Variants in DCAF4L2 observed in about 807,000 individuals in gnomAD.
The protein encoded by DCAF4L2 is DDB1- and CUL4-associated factor 4-like protein 2.
A neutral mutation model predicts 15.5 loss-of-function variants in DCAF4L2; 13 were observed. The observed-to-expected ratio is 0.84, with a 90% CI of 0.54 to 1.33. DCAF4L2 has a LOEUF of 1.33. DCAF4L2 is among the 40% of genes most tolerant of loss of function. The pLI is 0.00. For synonymous variants in DCAF4L2, 251 were observed against 207.0 expected (o/e 1.21, Z -1.83); for missense variants, 519 against 509.6 (o/e 1.02, Z -0.18).
At position 87,871,838 on chromosome 8, in the gene DCAF4L2, A is replaced by G. The variant is rs1056943906; in HGVS notation, c.*946T>C. The G allele has an allele frequency of 6.5e-6, 1 of 153,146 alleles. No homozygotes were observed. The highest frequency in any genetic ancestry group is 1.5e-5 in the Non-Finnish European group (1 of 68,046). The allele number at this position is 153,146 out of a possible 1,614,324, so 9.5% of individuals were successfully genotyped here. A position where few individuals can be genotyped will look rare whatever the true frequency, so the allele number is the denominator to read the frequency against. On this transcript the variant is annotated 3_prime_UTR_variant, in exon 1 of 1. Coordinates refer to ENST00000319675, the MANE Select transcript of DCAF4L2 (RefSeq NM_152418.4). ...ATGCTTTATCCAATTGTATGACTAC[A>G]GCACAAATTATTTATCAATTTTAGC...
rs1809437245 is a variant in DCAF4L2, at chr8:87,873,368, T to C, written c.604A>G (p.Thr202Ala). 2 of 1,614,152 alleles carry C rather than the reference T, an allele frequency of 1.2e-6. No individual in the cohort carries two copies. Among genetic ancestry groups the C allele is most frequent in the East Asian group, 2.2e-5 (1 of 44,872 alleles). Residue 202 changes from threonine (T) to alanine (A), a missense_variant, in exon 1 of 1, where the codon ACA becomes GCA. Transcript: ENST00000319675. ...LSIHAYHSFS[T>A]GLSQQVLLTN... ...AACAGGACCTGCTGAGACAAGCCTG[T>C]ACTGAAAGAGTGATACGCGTGGATG...
rs1304084888 is a variant in DCAF4L2, at chr8:87,872,103, C to A, written c.*681G>T. 1 of 166,314 alleles carries A rather than the reference C, an allele frequency of 6.0e-6. No homozygotes were observed. Among genetic ancestry groups the A allele is most frequent in the African/African-American group, 2.4e-5 (1 of 41,426 alleles). 10.3% of individuals were successfully genotyped at this position (166,314 alleles called of 1,614,324 possible). ...GACATTCAAGTCACAATAATAGAAA[C>A]CGGAGCTGCTGTACCTTACATTCTG... On this transcript the variant is annotated 3_prime_UTR_variant, in exon 1 of 1. Coordinates refer to ENST00000319675, the MANE Select transcript of DCAF4L2 (RefSeq NM_152418.4).
At position 87,873,653 on chromosome 8, in the gene DCAF4L2, G is replaced by A. The variant is rs2117892073; in HGVS notation, c.319C>T (p.Leu107=). ...TATACCCGGAGCTCAGGGGTCGTCA[G>A]GCCTCGCATGGTGATGATGCCGTAC... ...SKYGIITMRG[L]TTPELRVYPH... Residue 107 remains leucine (L), a synonymous_variant, in exon 1 of 1, where the codon CTG becomes TTG. Coordinates refer to ENST00000319675, the MANE Select transcript of DCAF4L2 (RefSeq NM_152418.4). 6.2e-7 allele frequency: 1 copy of A among 1,614,188 alleles called. No homozygotes were observed.
chr8:87,873,335 C>T lies in DCAF4L2; in HGVS notation c.637G>A (p.Val213Met), dbSNP rs748067917. ...GLSQQVLLTNVVTGHQQSFGT... is the reference protein window; with the variant it reads ...GLSQQVLLTNMVTGHQQSFGT... ...AATGACTGCTGGTGTCCCGTCACCACGTTGGTCAACAGGACCTGCTGAGAC... is the reference window on the plus strand; with the variant it reads ...AATGACTGCTGGTGTCCCGTCACCATGTTGGTCAACAGGACCTGCTGAGAC... The change falls in exon 1 of 1, where the codon GTG (valine) becomes ATG (methionine). Residue 213 changes from valine to methionine, a missense_variant. Val to Met is a conservative substitution (Grantham distance 21). Coordinates refer to ENST00000319675, the MANE Select transcript of DCAF4L2 (RefSeq NM_152418.4). The T allele has an allele frequency of 6.2e-7, 1 of 1,614,184 alleles. No individual in the cohort carries two copies. The highest frequency in any genetic ancestry group is 1.6e-4 in the Middle Eastern group (1 of 6,062).
Position 87,872,204 on chromosome 8 carries a change from T to C in DCAF4L2, c.*580A>G, listed in dbSNP as rs990974298. 6.2e-6 allele frequency: 1 copy of C among 161,718 alleles called. No homozygotes were observed. Among genetic ancestry groups the C allele is most frequent in the Non-Finnish European group, 1.5e-5 (1 of 68,146 alleles). The allele number at this position is 161,718 out of a possible 1,614,324, so 10.0% of individuals were successfully genotyped here. A position where few individuals can be genotyped will look rare whatever the true frequency, so the allele number is the denominator to read the frequency against. ...TTAAAAAGATCCACCTTTCCTCCCA[T>C]TGCCTATGGAAAATAATAAAAGGAG... On this transcript the variant is annotated 3_prime_UTR_variant, in exon 1 of 1. Coordinates refer to ENST00000319675, the MANE Select transcript of DCAF4L2 (RefSeq NM_152418.4).
chr8:87,873,051 C>CTG lies in DCAF4L2; in HGVS notation c.919_920dup (p.Gln307HisfsTer7). The stretch of plus-strand genomic sequence containing the variant: ...CGGAGTTATTCACATGACCTTCGTA[C>CTG]TGTGTTACACATTTAGTGGCCCTCA... On this transcript the variant is annotated frameshift_variant, in exon 1 of 1. Coordinates refer to ENST00000319675, the MANE Select transcript of DCAF4L2 (RefSeq NM_152418.4). LOFTEE classifies it high-confidence loss of function. 1 of 1,614,170 alleles carries CTG rather than the reference C, an allele frequency of 6.2e-7. No individual in the cohort carries two copies. The highest frequency in any genetic ancestry group is 8.5e-7 in the Non-Finnish European group (1 of 1,180,038).
At position 87,873,432 on chromosome 8, in the gene DCAF4L2, G is replaced by C. The variant is rs1251632235; in HGVS notation, c.540C>G (p.Phe180Leu). The C allele has an allele frequency of 1.2e-6, 2 of 1,614,218 alleles. No homozygotes were observed. Among genetic ancestry groups the C allele is most frequent in the East Asian group, 2.2e-5 (1 of 44,872 alleles). Residue 180 changes from phenylalanine (F) to leucine (L), a missense_variant, in exon 1 of 1, where the codon TTC (phenylalanine) becomes TTG (leucine). Transcript: ENST00000319675. ...GMRRPGMLCS[F>L]QIPDAWSCAW... is the part of the protein sequence containing the mutation. ...CACAGGACCAGGCATCAGGGATCTG[G>C]AAACTGCAAAGCATGCCAGGCCGAC...
Position 87,873,422 on chromosome 8 carries a change from C to T in DCAF4L2, c.550G>A (p.Asp184Asn), listed in dbSNP as rs758461261. The change falls in exon 1 of 1, where the codon GAT (aspartate) becomes AAT (asparagine). Residue 184 changes from aspartate to asparagine, a missense_variant. Physicochemically the swap from Asp to Asn is conservative, Grantham distance 23. Transcript: ENST00000319675. ...AGGGACCAGGCACAGGACCAGGCAT[C>T]AGGGATCTGGAAACTGCAAAGCATG... is the stretch of plus-strand genomic sequence containing the variant. ...PGMLCSFQIP[D>N]AWSCAWSLSI... 1.5e-5 allele frequency: 25 copies of T among 1,614,084 alleles called. No homozygotes were observed. Among genetic ancestry groups the T allele is most frequent in the Non-Finnish European group, 1.8e-5 (21 of 1,180,054 alleles).
Position 87,871,402 on chromosome 8 carries a change from T to G in DCAF4L2, c.*1382A>C, listed in dbSNP as rs2117883734. The G allele has an allele frequency of 6.5e-6, 1 of 154,768 alleles. No homozygotes were observed. Among genetic ancestry groups the G allele is most frequent in the East Asian group, 1.9e-4 (1 of 5,182 alleles). 9.6% of individuals were successfully genotyped at this position (154,768 alleles called of 1,614,324 possible). Reference sequence around the variant, plus strand: ...AATCATTTCTGATTTTTCTGATTATTTCTACTTCTCATAGTCAGGTCCAAG... The same window carrying G: ...AATCATTTCTGATTTTTCTGATTATGTCTACTTCTCATAGTCAGGTCCAAG... On this transcript the variant is annotated 3_prime_UTR_variant, in exon 1 of 1. Coordinates refer to ENST00000319675, the MANE Select transcript of DCAF4L2 (RefSeq NM_152418.4).
rs1299040934 is a variant in DCAF4L2 at position 87,872,219 on chromosome 8, A to G, written c.*565T>C. On this transcript the variant is annotated 3_prime_UTR_variant, in exon 1 of 1. Coordinates refer to ENST00000319675, the MANE Select transcript of DCAF4L2 (RefSeq NM_152418.4). The stretch of plus-strand genomic sequence containing the variant: ...TTTCCTCCCATTGCCTATGGAAAAT[A>G]ATAAAAGGAGAATCTCAGAGATCTG... The G allele has an allele frequency of 6.2e-6, 1 of 160,296 alleles. No homozygotes were observed. Among genetic ancestry groups the G allele is most frequent in the Non-Finnish European group, 1.5e-5 (1 of 68,146 alleles). 9.9% of individuals were successfully genotyped at this position (160,296 alleles called of 1,614,324 possible).
At position 87,873,489 on chromosome 8, in the gene DCAF4L2, C is replaced by T. The variant is rs1369010251; in HGVS notation, c.483G>A (p.Ala161=). 9 of 1,614,066 alleles carry T rather than the reference C, an allele frequency of 5.6e-6. No homozygotes were observed. The highest frequency in any genetic ancestry group is 4.4e-5 in the South Asian group (4 of 91,090). Residue 161 remains alanine, a synonymous_variant, in exon 1 of 1, where the codon GCG becomes GCA. Transcript: ENST00000319675. ...DTPSCAVLLP[A]SLFIGSFPGM... ...CTGGGAAGCTACCTATGAACAGCGA[C>T]GCTGGGAGCAGCACGGCACAGCTTG...
Position 87,873,677 on chromosome 8 carries a change from A to C in DCAF4L2, c.295T>G (p.Tyr99Asp). ...VNQVEAGGSKYGIITMRGLTT... is the reference protein window; with the variant it reads ...VNQVEAGGSKDGIITMRGLTT... Reference sequence around the variant, plus strand: ...AGGCCTCGCATGGTGATGATGCCGTACTTGGAGCCTCCAGCTTCGACTTGG... The same window carrying C: ...AGGCCTCGCATGGTGATGATGCCGTCCTTGGAGCCTCCAGCTTCGACTTGG... The change falls in exon 1 of 1, where the codon TAC (tyrosine) becomes GAC (aspartate). Residue 99 changes from tyrosine (Y) to aspartate (D), a missense_variant. By Grantham distance (160) the Tyr-to-Asp change is radical. Coordinates refer to ENST00000319675, the MANE Select transcript of DCAF4L2 (RefSeq NM_152418.4). 6.2e-7 allele frequency: 1 copy of C among 1,614,200 alleles called. No homozygotes were observed. The highest frequency in any genetic ancestry group is 8.5e-7 in the Non-Finnish European group (1 of 1,180,034).
chr8:87,870,757 CTTATT>C lies in DCAF4L2; in HGVS notation c.*2022_*2026del, dbSNP rs1370857900. ...ATACATAATCATTGCTTTATTTGCACTTATTTTATTTGCAAGTGAGGGTAAACAGA... is the reference window on the plus strand; with the variant it reads ...ATACATAATCATTGCTTTATTTGCACTTATTTGCAAGTGAGGGTAAACAGA... On this transcript the variant is annotated 3_prime_UTR_variant, in exon 1 of 1. Coordinates refer to ENST00000319675, the MANE Select transcript of DCAF4L2 (RefSeq NM_152418.4). 1 of 152,072 alleles carries C rather than the reference CTTATT, an allele frequency of 6.6e-6. No homozygotes were observed. Among genetic ancestry groups the C allele is most frequent in the Non-Finnish European group, 1.5e-5 (1 of 68,016 alleles). 9.4% of individuals were successfully genotyped at this position (152,072 alleles called of 1,614,324 possible). A position where few individuals can be genotyped will look rare whatever the true frequency, so the allele number is the denominator to read the frequency against.
Position 87,873,991 on chromosome 8 carries a change from C to T in DCAF4L2, c.-20G>A. The T allele has an allele frequency of 2.5e-6, 4 of 1,608,496 alleles. No individual in the cohort carries two copies. Among genetic ancestry groups the T allele is most frequent in the Non-Finnish European group, 3.4e-6 (4 of 1,176,744 alleles). Reference sequence around the variant, plus strand: ...CTCCATTTCGTTCGGCGGATGTTCTCCCTCCTGAGGGGAAGTTCTGTCCCG... The same window carrying T: ...CTCCATTTCGTTCGGCGGATGTTCTTCCTCCTGAGGGGAAGTTCTGTCCCG... On this transcript the variant is annotated 5_prime_UTR_variant, in exon 1 of 1. Coordinates refer to ENST00000319675, the MANE Select transcript of DCAF4L2 (RefSeq NM_152418.4).
In DCAF4L2 at chr8:87,873,142, T is replaced by C. The variant is rs1809432286; in HGVS notation, c.830A>G (p.Gln277Arg). 1 of 1,614,082 alleles carries C rather than the reference T, an allele frequency of 6.2e-7. No homozygotes were observed. The highest frequency in any genetic ancestry group is 8.5e-7 in the Non-Finnish European group (1 of 1,180,036). ...CAGGAATTGGCCATCTTGGAGGATT[T>C]GCAGAGAAGTCACTGCTGAATCATG... ...LSHDSAVTSL[Q>R]ILQDGQFLVS... Residue 277 changes from glutamine (Q) to arginine (R), a missense_variant, in exon 1 of 1, where the codon CAA becomes CGA. Physicochemically the swap from Gln to Arg is conservative, Grantham distance 43. Coordinates refer to ENST00000319675, the MANE Select transcript of DCAF4L2 (RefSeq NM_152418.4).
In DCAF4L2 at chr8:87,873,625, G is replaced by A. The variant is rs745443544; in HGVS notation, c.347C>T (p.Pro116Leu). ...GLTTPELRVYPHKTLYVPNRK... is the reference protein window; with the variant it reads ...GLTTPELRVYLHKTLYVPNRK... ...ATTAGGGACGTAGAGGGTTTTGTGC[G>A]GGTATACCCGGAGCTCAGGGGTCGT... Residue 116 changes from proline to leucine, a missense_variant, in exon 1 of 1, where the codon CCG (proline) becomes CTG (leucine). By Grantham distance (98) the Pro-to-Leu change is moderately conservative. Transcript: ENST00000319675. The A allele has an allele frequency of 6.2e-7, 1 of 1,614,206 alleles. No homozygotes were observed. The highest frequency in any genetic ancestry group is 8.5e-7 in the Non-Finnish European group (1 of 1,180,040).
At position 87,872,905 on chromosome 8, in the gene DCAF4L2, T is replaced by C; in HGVS notation, c.1067A>G (p.Tyr356Cys). ...GHLLTTIPSP[Y>C]PASENDIPSV... Reference sequence around the variant, plus strand: ...GGGAATGTCGTTCTCCGAGGCGGGGTATGGGGAGGGTATGGTTGTGAGCAG... The same window carrying C: ...GGGAATGTCGTTCTCCGAGGCGGGGCATGGGGAGGGTATGGTTGTGAGCAG... The change falls in exon 1 of 1, where the codon TAC becomes TGC. Residue 356 changes from tyrosine to cysteine, a missense_variant. By Grantham distance (194) the Tyr-to-Cys change is radical. Transcript: ENST00000319675. The C allele has an allele frequency of 6.2e-7, 1 of 1,612,968 alleles. No homozygotes were observed. Among genetic ancestry groups the C allele is most frequent in the Non-Finnish European group, 8.5e-7 (1 of 1,179,492 alleles).
In DCAF4L2 at chr8:87,872,776, C is replaced by T. The variant is rs1280411357; in HGVS notation, c.*8G>A. ...AATCCACGTTCCTCCGGGCTGCATC[C>T]TGAAGAATTAACCGTAGGAGAAACA... On this transcript the variant is annotated 3_prime_UTR_variant, in exon 1 of 1. Transcript: ENST00000319675. The T allele has an allele frequency of 1.3e-6, 2 of 1,550,572 alleles. No homozygotes were observed. The highest frequency in any genetic ancestry group is 2.0e-5 in the Admixed American group (1 of 49,452).
At position 87,872,997 on chromosome 8, in the gene DCAF4L2, T is replaced by A. The variant is rs754816770; in HGVS notation, c.975A>T (p.Glu325Asp). The part of the protein sequence containing the change: ...SAYLPVHVNE[E>D]EGVVAAVGQD... ...GGCCCACGGCCGCCACGACTCCTTCTTCTTCGTTCACATGCACGGGTAGGT... is the reference window on the plus strand; with the variant it reads ...GGCCCACGGCCGCCACGACTCCTTCATCTTCGTTCACATGCACGGGTAGGT... The change falls in exon 1 of 1, where the codon GAA (glutamate) becomes GAT (aspartate). Residue 325 changes from glutamate to aspartate, a missense_variant. Physicochemically the swap from Glu to Asp is conservative, Grantham distance 45. Coordinates refer to ENST00000319675, the MANE Select transcript of DCAF4L2 (RefSeq NM_152418.4). 85 of 1,614,070 alleles carry A rather than the reference T, an allele frequency of 5.3e-5. No individual in the cohort carries two copies. The highest frequency in any genetic ancestry group is 6.9e-5 in the Non-Finnish European group (82 of 1,180,026).
Sources: gnomAD v4.1 joint callset for allele counts on GRCh38, gnomAD v4.1.1 for gene constraint, MANE v1.5 for transcripts, NCBI Gene and HGNC (gene_info 2026-07-23, HGNC 2026-07-21) for gene names.